The following GALNTL5 variants were observed in gnomAD, a reference collection of about 807,000 sequenced individuals.
The protein encoded by GALNTL5 is inactive polypeptide N-acetylgalactosaminyltransferase-like protein 5.
In GALNTL5, 44 loss-of-function variants were observed where a neutral mutation model predicts 51.0. The ratio of observed to expected loss-of-function variants is 0.86; its 90% CI spans 0.68 to 1.11. The LOEUF (loss-of-function observed/expected upper bound fraction) is 1.11, where lower values mean the gene tolerates loss of function less well. GALNTL5 is among the 50% of genes least tolerant of loss of function. The pLI is 0.00. For missense variants in GALNTL5, 528 were observed against 531.8 expected, an observed-to-expected ratio of 0.99 and a Z score of 0.07; for synonymous variants, 192 against 182.8, an observed-to-expected ratio of 1.05 and a Z score of -0.41.
In GALNTL5 at chr7:152,019,670, G is replaced by A. The variant is rs150782880; in HGVS notation, c.1201G>A (p.Gly401Ser). Residue 401 changes from glycine (G) to serine (S), a missense_variant, in exon 9 of 9, where the codon GGT becomes AGT. Gly to Ser is a moderately conservative substitution (Grantham distance 56). Coordinates refer to ENST00000392800, the MANE Select transcript of GALNTL5 (RefSeq NM_145292.4). ...GGAGCAGTTTTTTCTTCGAAAGCCT[G>A]GTCTGAAATATGTCACCTACGGAAA... ...YKEQFFLRKPGLKYVTYGNIR... is the reference protein window; with the variant it reads ...YKEQFFLRKPSLKYVTYGNIR... The A allele has an allele frequency of 3.3e-4, 525 of 1,612,360 alleles. 1 individual carries two copies. The African/African-American group carries it at 6.0e-3, about 18-fold the overall frequency.
At chr7:151,978,845 C>A (rs7780602) in intron 3 of GALNTL5, among the ~76,000 whole-genome samples, 6,779 of 152,116 alleles carry the variant, frequency 0.045, 480 homozygotes, top group African/African-American at 0.15. Context: ...GAACATGAGT[C>A]ATATTGGATT....
In GALNTL5 at chr7:151,982,999, C is replaced by T. The variant is rs2151947064; in HGVS notation, c.382C>T (p.His128Tyr). The T allele has an allele frequency of 6.2e-7, 1 of 1,614,154 alleles. No individual in the cohort carries two copies. Among genetic ancestry groups the T allele is most frequent in the African/African-American group, 1.3e-5 (1 of 75,040 alleles). Residue 128 changes from histidine (H) to tyrosine (Y), a missense_variant, in exon 4 of 9, where the codon CAT becomes TAT. Physicochemically the swap from His to Tyr is moderately conservative, Grantham distance 83 (BLOSUM62 2). Coordinates refer to ENST00000392800, the MANE Select transcript of GALNTL5 (RefSeq NM_145292.4). ...TTCTGCCTGCAGGTGTCTTCAAAAA[C>T]ATTACCCAGCCCGCCTCCCGACTGC... ...DTRSKMCLQK[H>Y]YPARLPTASI...
At chr7:152,016,965 G>A (rs890350611) in intron 8 of GALNTL5, among the ~76,000 whole-genome samples, 1 of 151,148 alleles carries the variant, frequency 6.6e-6, no homozygotes, top group Non-Finnish European at 1.5e-5. Context: ...TTGAACCCAG[G>A]AGGTAGAGGT....
Position 152,011,241 on chromosome 7 carries a change from T to C in GALNTL5, c.1026+3297T>C, listed in dbSNP as rs535137825. Reference sequence around the variant, plus strand: ...CCGGCAATGTATTGGAAGCCTCCAATGCTCTGAATTTTTTTTCAGTTGCCC... The same window carrying C: ...CCGGCAATGTATTGGAAGCCTCCAACGCTCTGAATTTTTTTTCAGTTGCCC... On this transcript the variant is annotated intron_variant, in intron 7 of 8. Coordinates refer to ENST00000392800, the MANE Select transcript of GALNTL5 (RefSeq NM_145292.4). Among the ~76,000 whole-genome samples the C allele has an allele frequency of 3.3e-5, 5 of 152,364 alleles. No homozygotes were observed. The East Asian group carries it at 5.8e-4, about 18-fold the overall frequency.
intron 3 of GALNTL5, among the ~76,000 whole-genome samples, chr7:151,982,524 T>C (rs2081306135): frequency 6.6e-6 from 1 of 152,020 alleles, no homozygotes; most frequent in South Asian, 2.1e-4. Context: ...ACTCCACAAA[T>C]ATAAGAATAA....
chr7:151,965,427 C>G (rs1325618224), intron 1 of GALNTL5, among the ~76,000 whole-genome samples: 2 of 152,252 alleles, frequency 1.3e-5, no homozygotes, highest in East Asian at 3.9e-4. Context: ...GGAAACCTCG[C>G]AAGACTTTCT....
chr7:151,970,880 T>G, intron 2 of GALNTL5, 65 bp from the exon 3 acceptor site: 1 of 1,361,438 alleles, frequency 7.3e-7, no homozygotes, highest in Non-Finnish European at 1.0e-6. Flanking sequence ...ATTCTAGATC[T>G]TTCCTTTCCT....
At chr7:151,983,325 A>C (rs1380460634) in intron 4 of GALNTL5, among the ~76,000 whole-genome samples, 173 bp downstream of exon 4, 2 of 151,966 alleles carry the variant, frequency 1.3e-5, no homozygotes, top group African/African-American at 4.8e-5. Context: ...TTACAGGTGC[A>C]TGCCACCACG....
intron 8 of GALNTL5, among the ~76,000 whole-genome samples, chr7:152,016,715 T>A (rs2081819339): frequency 6.6e-6 from 1 of 152,174 alleles, no homozygotes; most frequent in South Asian, 2.1e-4. Flanking sequence ...GTGATATATT[T>A]AGTCGCTATA....
chr7:151,992,827 A>G (rs1158766388), intron 5 of GALNTL5, among the ~76,000 whole-genome samples: 2 of 152,144 alleles, frequency 1.3e-5, no homozygotes, highest in Non-Finnish European at 2.9e-5. Context: ...CATAATACCC[A>G]TAGAAATGCT....
In GALNTL5 at chr7:151,980,904, C is replaced by T. The variant is rs919866737; in HGVS notation, c.369-2082C>T. Among the ~76,000 whole-genome samples, 12 of 150,570 alleles carry T rather than the reference C, an allele frequency of 8.0e-5. 1 individual carries two copies. Among genetic ancestry groups the T allele is most frequent in the African/African-American group, 3.0e-4 (12 of 40,130 alleles). The stretch of plus-strand genomic sequence containing the variant: ...GGGACTACAGGCACCCGCCACTGCG[C>T]CCGGCTAAATTTTTGTATTTTTAGT... On this transcript the variant is annotated intron_variant, in intron 3 of 8. Coordinates refer to ENST00000392800, the MANE Select transcript of GALNTL5 (RefSeq NM_145292.4).
At chr7:151,963,206 A>T (rs1015211272) in intron 1 of GALNTL5, among the ~76,000 whole-genome samples, 2 of 152,150 alleles carry the variant, frequency 1.3e-5, no homozygotes, top group African/African-American at 4.8e-5. Flanking sequence ...AGTTCTGCAA[A>T]TGTTTGTATG....
chr7:151,982,070 C>A (rs117788673), intron 3 of GALNTL5, among the ~76,000 whole-genome samples: 16,356 of 151,932 alleles, frequency 0.11, 1,053 homozygotes, highest in South Asian at 0.23. Context: ...TACTAGAATT[C>A]CAGAATTCAG....
chr7:151,987,315 G>C, intron 5 of GALNTL5, 34 bp downstream of exon 5: 1 of 1,529,848 alleles, frequency 6.5e-7, no homozygotes, highest in South Asian at 1.3e-5. Context: ...AGCCAGTGAC[G>C]GCGTCACAGA....
chr7:151,957,548 C>CAA (rs3037148), intron 1 of GALNTL5, among the ~76,000 whole-genome samples: 27,857 of 111,088 alleles, frequency 0.25, 3,309 homozygotes, highest in Admixed American at 0.38. Flanking sequence ...GACCCTGTCT[C>CAA]AAAAAAAAAA....
intron 6 of GALNTL5, 113 bp from the exon 7 acceptor site, chr7:152,007,714 G>T (rs568145319): frequency 1.4e-6 from 1 of 730,612 alleles, no homozygotes; most frequent in African/African-American, 1.8e-5. Flanking sequence ...CTCCACACCC[G>T]GCCTGTTTTC....
intron 8 of GALNTL5, among the ~76,000 whole-genome samples, chr7:152,018,680 T>C (rs1234019672): frequency 6.6e-6 from 1 of 152,168 alleles, no homozygotes; most frequent in Non-Finnish European, 1.5e-5. Context: ...CCTAAGGTCA[T>C]CCATGCTGTC....
chr7:152,008,043 A>G (rs1050882269), intron 7 of GALNTL5, 99 bp downstream of exon 7: 99 of 704,690 alleles, frequency 1.4e-4, no homozygotes, highest in Non-Finnish European at 2.2e-4. Context: ...CTACATGAAC[A>G]TCCAGTACCA....
intron 5 of GALNTL5, among the ~76,000 whole-genome samples, chr7:151,994,406 A>G (rs964992834): frequency 6.6e-6 from 1 of 152,080 alleles, no homozygotes; most frequent in Non-Finnish European, 1.5e-5. Flanking sequence ...CTTTGGAGCC[A>G]GGTCATCTTC....
Sources: allele counts gnomAD v4.1 joint callset (sites outside exome capture counted in the v4.1 genomes callset), GRCh38; gene constraint gnomAD v4.1.1; transcripts MANE v1.5; gene names NCBI Gene and HGNC (gene_info 2026-07-23, HGNC 2026-07-21).